The following NUP93 variants were observed in gnomAD, a reference collection of about 807,000 sequenced individuals.
NUP93 encodes nuclear pore complex protein Nup93.
In NUP93, 55 loss-of-function variants were observed where a neutral mutation model predicts 107.8. The ratio of observed to expected loss-of-function variants is 0.51; its 90% confidence interval spans 0.41 to 0.64. NUP93 has a LOEUF of 0.64. NUP93 is among the 30% of genes least tolerant of loss of function. The pLI is 0.00. For synonymous variants in NUP93, 390 were observed against 397.5 expected (o/e 0.98, Z 0.22); for missense variants, 937 against 1,044.7 (o/e 0.90, Z 1.42).
At chr16:56,825,821 G>A (rs955069166) in intron 8 of NUP93, among the ~76,000 whole-genome samples, 3 of 152,058 alleles carry the variant, frequency 2.0e-5, no homozygotes, top group African/African-American at 2.4e-5. Flanking sequence ...GGCATCTTTT[G>A]TGAGCATTCA....
chr16:56,747,081 T>C (rs1443358936), intron 1 of NUP93, among the ~76,000 whole-genome samples: 1 of 151,998 alleles, frequency 6.6e-6, no homozygotes, highest in Non-Finnish European at 1.5e-5. Context: ...CACTGCACTC[T>C]TCCGCCCCCC....
In NUP93 at chr16:56,837,611, G is replaced by A; in HGVS notation, c.1903G>A (p.Ala635Thr). 1 of 1,612,840 alleles carries A rather than the reference G, an allele frequency of 6.2e-7. No homozygotes were observed. Among genetic ancestry groups the A allele is most frequent in the Non-Finnish European group, 8.5e-7 (1 of 1,178,852 alleles). The change falls in exon 18 of 22, where the codon GCT becomes ACT. Residue 635 changes from alanine to threonine, a missense_variant. Transcript: ENST00000308159. Reference sequence around the variant, plus strand: ...TTAATTTTAAAAACTTGAGCAGAATGCTGACAAGGTACTGGAGCTGATGAA... The same window carrying A: ...TTAATTTTAAAAACTTGAGCAGAATACTGACAAGGTACTGGAGCTGATGAA... ...AAKLYDLAKN[A>T]DKVLELMNKL...
intron 3 of NUP93, among the ~76,000 whole-genome samples, chr16:56,779,107 A>G (rs138426622): frequency 2.0e-5 from 3 of 152,140 alleles, no homozygotes; most frequent in Admixed American, 1.3e-4. Context: ...CTTACCCACC[A>G]GTACTATTGA....
At chr16:56,823,917 T>C in intron 8 of NUP93, 71 bp downstream of exon 8, 1 of 1,567,232 alleles carries the variant, frequency 6.4e-7, no homozygotes, top group Non-Finnish European at 8.7e-7. Context: ...AGATCTTAAG[T>C]TGTCCTCAGG....
chr16:56,822,178 A>T (rs1411730701), intron 7 of NUP93, among the ~76,000 whole-genome samples: 1 of 150,650 alleles, frequency 6.6e-6, no homozygotes, highest in Non-Finnish European at 1.5e-5. Flanking sequence ...GAAGGCTATT[A>T]TGGAAGCAAG....
chr16:56,748,758 CG>C (rs1961866452), intron 2 of NUP93, among the ~76,000 whole-genome samples: 1 of 151,984 alleles, frequency 6.6e-6, no homozygotes, highest in African/African-American at 2.4e-5. Context: ...AAATGGCTCC[CG>C]TTATGTTAAT....
intron 5 of NUP93, among the ~76,000 whole-genome samples, chr16:56,813,915 A>G (rs1212802247): frequency 6.6e-6 from 1 of 152,126 alleles, no homozygotes; most frequent in Non-Finnish European, 1.5e-5. Context: ...AGTAGGGTTA[A>G]TAAGGTCACA....
At chr16:56,804,737 C>G (rs996145070) in intron 4 of NUP93, among the ~76,000 whole-genome samples, 1 of 151,726 alleles carries the variant, frequency 6.6e-6, no homozygotes, top group Non-Finnish European at 1.5e-5. Context: ...GGTGAAACCC[C>G]GTCTCTAGTA....
At chr16:56,805,987 C>T (rs557922324) in intron 5 of NUP93, among the ~76,000 whole-genome samples, 23 of 151,130 alleles carry the variant, frequency 1.5e-4, no homozygotes, top group African/African-American at 4.9e-4. Context: ...TTCAGATTTA[C>T]GCCTGCAGCC....
intron 5 of NUP93, among the ~76,000 whole-genome samples, chr16:56,815,902 C>CTGCTGCTGG (rs1555495765): frequency 6.9e-4 from 92 of 133,194 alleles, no homozygotes; most frequent in South Asian, 9.7e-4. Flanking sequence ...GCTGCTGGTG[C>CTGCTGCTGG]TGCTGCTGCT....
chr16:56,822,664 G>A (rs1427246071), intron 7 of NUP93, among the ~76,000 whole-genome samples: 2 of 150,126 alleles, frequency 1.3e-5, no homozygotes, highest in Admixed American at 6.7e-5. Context: ...GGGTTCAAGC[G>A]ATTCTCCTAC....
chr16:56,794,876 C>G (rs902841835), intron 3 of NUP93, among the ~76,000 whole-genome samples: 3 of 133,716 alleles, frequency 2.2e-5, no homozygotes, highest in African/African-American at 8.6e-5. Context: ...TGCAGTGAGC[C>G]GAGATCGTGC....
intron 3 of NUP93, among the ~76,000 whole-genome samples, chr16:56,786,243 A>G (rs1264490477): frequency 6.6e-6 from 1 of 152,192 alleles, no homozygotes; most frequent in African/African-American, 2.4e-5. Flanking sequence ...CCTCTCATGA[A>G]GTTGGAGTTC....
In NUP93 at chr16:56,836,627, T is replaced by A; in HGVS notation, c.1809T>A (p.Ser603Arg). ...RKPGVIDKFT[S>R]DTKPIINKVA... ...CTGGAGTCATAGATAAGTTTACTAG[T>A]GACACAAAGCCTATTATCAACAAAG... Residue 603 changes from serine to arginine, a missense_variant, in exon 17 of 22, where the codon AGT (serine) becomes AGA (arginine). Ser to Arg is a moderately radical substitution (Grantham distance 110). Transcript: ENST00000308159. 1 of 1,613,622 alleles carries A rather than the reference T, an allele frequency of 6.2e-7. No homozygotes were observed. The highest frequency in any genetic ancestry group is 8.5e-7 in the Non-Finnish European group (1 of 1,179,594).
chr16:56,815,899 G>GGTGCTGCTGCTGCTGCTGGTGCTGC (rs1555495759), intron 5 of NUP93, among the ~76,000 whole-genome samples: 2 of 95,984 alleles, frequency 2.1e-5, no homozygotes, highest in Non-Finnish European at 4.4e-5. Flanking sequence ...GCTGCTGCTG[G>GGTGCTGCTGCTGCTGCTGGTGCTGC]TGCTGCTGCT....
At chr16:56,803,448 G>GAAA (rs1289411999) in intron 4 of NUP93, among the ~76,000 whole-genome samples, 1 of 151,450 alleles carries the variant, frequency 6.6e-6, no homozygotes, top group African/African-American at 2.4e-5. Context: ...CTGGGCAACA[G>GAAA]AAAAAAATAA....
chr16:56,749,632 T>G (rs1412091799), intron 2 of NUP93, among the ~76,000 whole-genome samples: 1 of 152,222 alleles, frequency 6.6e-6, no homozygotes, highest in Non-Finnish European at 1.5e-5. Flanking sequence ...CTCTAAGCAT[T>G]TAACAGATGT....
intron 3 of NUP93, among the ~76,000 whole-genome samples, chr16:56,772,154 A>G (rs1415155605): frequency 3.3e-5 from 5 of 152,044 alleles, no homozygotes; most frequent in Non-Finnish European, 7.4e-5. Context: ...GCCATTGCTA[A>G]TGGGAGTGTA....
At chr16:56,783,361 A>G in intron 3 of NUP93, 3 of 399,540 alleles carry the variant, frequency 7.5e-6, no homozygotes, top group Non-Finnish European at 1.0e-5. Flanking sequence ...TGCTCAGCAG[A>G]GGGAGAGGAA....
Sources: allele counts gnomAD v4.1 joint callset (sites outside exome capture counted in the v4.1 genomes callset), GRCh38; gene constraint gnomAD v4.1.1; transcripts MANE v1.5; gene names NCBI Gene and HGNC (gene_info 2026-07-23, HGNC 2026-07-21).